Variants in SNAP25 observed in about 807,000 individuals in gnomAD.
SNAP25 encodes the protein synaptosomal-associated protein 25.
Under a neutral mutation model 28.7 loss-of-function variants are expected in SNAP25, and 3 were observed. The observed-to-expected ratio is 0.10, with a 90% CI of 0.05 to 0.27. The LOEUF is 0.27. Among genes scored for constraint, SNAP25 ranks in the 10% least tolerant of loss-of-function variants. SNAP25 has a pLI of 1.00. For synonymous variants in SNAP25, 61 were observed against 88.1 expected (o/e 0.69, Z 1.72); for missense variants, 117 against 278.7 (o/e 0.42, Z 4.13).
chr20:10,245,036 C>T (rs1054716217), intron 1 of SNAP25, among the ~76,000 whole-genome samples: 1 of 152,010 alleles, frequency 6.6e-6, no homozygotes, highest in African/African-American at 2.4e-5. Flanking sequence ...TGGCCATCAT[C>T]TATTAAATCT....
intron 1 of SNAP25, among the ~76,000 whole-genome samples, chr20:10,243,131 C>T (rs1410922656): frequency 6.6e-6 from 1 of 152,218 alleles, no homozygotes; most frequent in Non-Finnish European, 1.5e-5. Flanking sequence ...CTTGCCTGCA[C>T]ATCAGAATGC....
At chr20:10,220,059 G>A (rs2062600106) in intron 1 of SNAP25, among the ~76,000 whole-genome samples, 1 of 152,162 alleles carries the variant, frequency 6.6e-6, no homozygotes, top group African/African-American at 2.4e-5. Context: ...TTAACACAGA[G>A]TAGATCTGTC....
In SNAP25 at chr20:10,218,917, G is replaced by T. The variant is rs1383083743; in HGVS notation, c.-124G>T. ...GTCTTTCCTTCCCTCCCTGCTCGGCGGCTCCACCACAGTTGCAACCTGCAG... is the reference window on the plus strand; with the variant it reads ...GTCTTTCCTTCCCTCCCTGCTCGGCTGCTCCACCACAGTTGCAACCTGCAG... On this transcript the variant is annotated 5_prime_UTR_variant, in exon 1 of 8. Transcript: ENST00000254976. 1 of 152,302 alleles carries T rather than the reference G, an allele frequency of 6.6e-6. No individual in the cohort carries two copies. The highest frequency in any genetic ancestry group is 1.5e-5 in the Non-Finnish European group (1 of 68,168). The allele number at this position is 152,302 out of a possible 1,614,324, so 9.4% of individuals were successfully genotyped here.
intron 1 of SNAP25, among the ~76,000 whole-genome samples, chr20:10,254,393 C>A (rs1369343582): frequency 6.6e-6 from 1 of 152,152 alleles, no homozygotes; most frequent in East Asian, 1.9e-4. Context: ...GCTTCTTCCC[C>A]TTTCTTGACC....
At chr20:10,269,498 A>G (rs965648751) in intron 1 of SNAP25, among the ~76,000 whole-genome samples, 1 of 152,232 alleles carries the variant, frequency 6.6e-6, no homozygotes, top group Non-Finnish European at 1.5e-5. Context: ...ATATGAACAG[A>G]AAAAATATAC....
intron 7 of SNAP25, among the ~76,000 whole-genome samples, chr20:10,302,531 G>A (rs116330776): frequency 0.01 from 1,523 of 152,246 alleles, 39 homozygotes; most frequent in African/African-American, 0.034. Flanking sequence ...AGAGATTCCC[G>A]GAGCGTTCAG....
chr20:10,297,094 A>G (rs781192530), intron 6 of SNAP25, 44 bp downstream of exon 6: 1 of 1,499,706 alleles, frequency 6.7e-7, no homozygotes, highest in Non-Finnish European at 8.9e-7. Flanking sequence ...TCTATTGTCA[A>G]GTACAAACAA....
chr20:10,234,681 C>T (rs2062885975), intron 1 of SNAP25, among the ~76,000 whole-genome samples: 2 of 152,282 alleles, frequency 1.3e-5, no homozygotes, highest in South Asian at 2.1e-4. Flanking sequence ...CAACTCTTTC[C>T]TATGAATGTC....
At position 10,306,838 on chromosome 20, in the gene SNAP25, GAAC is replaced by G. The variant is rs1375711260; in HGVS notation, c.*650_*652del. 1.3e-5 allele frequency: 2 copies of G among 154,382 alleles called. No individual in the cohort carries two copies. Among genetic ancestry groups the G allele is most frequent in the East Asian group, 1.9e-4 (1 of 5,178 alleles). The allele number at this position is 154,382 out of a possible 1,614,324, so 9.6% of individuals were successfully genotyped here. A position where few individuals can be genotyped will look rare whatever the true frequency, so the allele number is the denominator to read the frequency against. On this transcript the variant is annotated 3_prime_UTR_variant, in exon 8 of 8. Coordinates refer to ENST00000254976, the MANE Select transcript of SNAP25 (RefSeq NM_130811.4). ...ACACAAAACAACAGCAACAACAACA[GAAC>G]AACAACAAAGCATGCTCAGTATTGA...
At chr20:10,284,856 G>A (rs758475814) in intron 4 of SNAP25, 84 bp downstream of exon 4, 23 of 1,082,924 alleles carry the variant, frequency 2.1e-5, no homozygotes, top group Middle Eastern at 2.1e-4. Context: ...GCAGATGGTC[G>A]CTTTGACATG....
chr20:10,288,884 C>T (rs1404935418), intron 4 of SNAP25, among the ~76,000 whole-genome samples: 1 of 151,504 alleles, frequency 6.6e-6, no homozygotes, highest in East Asian at 1.9e-4. Context: ...GACAGATGAG[C>T]ATGTCAACAG....
intron 4 of SNAP25, chr20:10,292,755 T>G: frequency 3.1e-6 from 2 of 655,530 alleles, no homozygotes; most frequent in Non-Finnish European, 5.3e-6. Flanking sequence ...TCTTCAACAA[T>G]GCATCCTCTT....
At chr20:10,284,821 G>T (rs2063844278) in intron 4 of SNAP25, 49 bp downstream of exon 4, 1 of 1,475,352 alleles carries the variant, frequency 6.8e-7, no homozygotes, top group Non-Finnish European at 9.5e-7. Flanking sequence ...TGAATAATGT[G>T]CATTTTAAAA....
chr20:10,297,789 G>A (rs1325019047), intron 6 of SNAP25, among the ~76,000 whole-genome samples: 1 of 152,222 alleles, frequency 6.6e-6, no homozygotes, highest in Non-Finnish European at 1.5e-5. Context: ...AAGCCAGAGG[G>A]TAAGAGGAGC....
chr20:10,280,553 CA>C, intron 3 of SNAP25, among the ~76,000 whole-genome samples: 1 of 152,280 alleles, frequency 6.6e-6, no homozygotes, highest in South Asian at 2.1e-4. Flanking sequence ...GGGGAGGGAA[CA>C]ACTGATTCTG....
chr20:10,272,232 C>G (rs905312780), intron 1 of SNAP25, among the ~76,000 whole-genome samples: 6 of 152,148 alleles, frequency 3.9e-5, no homozygotes, highest in Non-Finnish European at 8.8e-5. Flanking sequence ...AAAATGTTGG[C>G]CAGAACTTTT....
chr20:10,236,779 G>A (rs144182673), intron 1 of SNAP25, among the ~76,000 whole-genome samples: 111 of 152,066 alleles, frequency 7.3e-4, no homozygotes, highest in African/African-American at 2.3e-3. Flanking sequence ...AGCAGGGCAC[G>A]GCTGACTCAC....
chr20:10,256,196 A>G (rs548740492), intron 1 of SNAP25, among the ~76,000 whole-genome samples: 1 of 152,368 alleles, frequency 6.6e-6, no homozygotes, highest in South Asian at 2.1e-4. Flanking sequence ...TTAGGCAAGA[A>G]TGTACTTAAA....
At position 10,264,639 on chromosome 20, in the gene SNAP25, TTTTGGATAG is replaced by T. The variant is rs547040183; in HGVS notation, c.-63-10768_-63-10760del. ...ATGCTGGGGAGCCGCGTTCTTGTGTTTTTGGATAGTTTGGATAGTTTGGATAGTTTATCA... is the reference window on the plus strand; with the variant it reads ...ATGCTGGGGAGCCGCGTTCTTGTGTTTTTGGATAGTTTGGATAGTTTATCA... On this transcript the variant is annotated intron_variant, in intron 1 of 7. Transcript: ENST00000254976. 5.9e-3 allele frequency among the ~76,000 whole-genome samples: 893 copies of T among 152,228 alleles called. 4 individuals carry two copies. Among genetic ancestry groups the T allele is most frequent in the Non-Finnish European group, 8.8e-3 (599 of 68,010 alleles).
Sources: allele counts gnomAD v4.1 joint callset (sites outside exome capture counted in the v4.1 genomes callset), GRCh38; gene constraint gnomAD v4.1.1; transcripts MANE v1.5; gene names NCBI Gene and HGNC (gene_info 2026-07-23, HGNC 2026-07-21).